The following CAPN9 variants were observed in gnomAD, a reference collection of about 807,000 sequenced individuals.
CAPN9 encodes the protein calpain-9.
CAPN9 carries 81 observed loss-of-function variants against 92.8 expected under a neutral mutation model. The observed-to-expected ratio is 0.87, with a 90% CI of 0.73 to 1.05. CAPN9 has a LOEUF of 1.05. CAPN9 is among the 50% of genes least tolerant of loss of function. CAPN9 has a pLI of 0.00. For synonymous variants in CAPN9, 304 were observed against 328.0 expected, an observed-to-expected ratio of 0.93 and a Z score of 0.79; for missense variants, 848 against 866.2, an observed-to-expected ratio of 0.98 and a Z score of 0.26.
At chr1:230,777,973 T>G (rs1386766836) in intron 8 of CAPN9, among the ~76,000 whole-genome samples, 1 of 152,172 alleles carries the variant, frequency 6.6e-6, no homozygotes, top group African/African-American at 2.4e-5. Context: ...ATCTTTACAC[T>G]AATTCTCAGG....
intron 6 of CAPN9, among the ~76,000 whole-genome samples, chr1:230,770,776 C>G (rs1666339121): frequency 6.6e-6 from 1 of 152,210 alleles, no homozygotes; most frequent in African/African-American, 2.4e-5. Context: ...CCTCCCTGGA[C>G]CAGTCTCAAG....
At chr1:230,756,044 G>C (rs1013076759) in intron 2 of CAPN9, among the ~76,000 whole-genome samples, 1 of 152,272 alleles carries the variant, frequency 6.6e-6, no homozygotes, top group Non-Finnish European at 1.5e-5. Flanking sequence ...GTTTACCTTT[G>C]TTCTATCTAT....
intron 1 of CAPN9, among the ~76,000 whole-genome samples, chr1:230,748,129 T>C (rs1664545202): frequency 6.6e-6 from 1 of 152,138 alleles, no homozygotes; most frequent in Admixed American, 6.5e-5. Context: ...TCAGTGTGGA[T>C]GGATGTTTGG....
At chr1:230,786,266 C>G (rs905948057) in intron 12 of CAPN9, 1 of 527,544 alleles carries the variant, frequency 1.9e-6, no homozygotes, top group African/African-American at 2.1e-5. Flanking sequence ...ATGTCATCTT[C>G]CTCTGTGCTA....
chr1:230,791,618 C>G, intron 14 of CAPN9, among the ~76,000 whole-genome samples: 1 of 152,130 alleles, frequency 6.6e-6, no homozygotes, highest in East Asian at 1.9e-4. Flanking sequence ...ATTCTTTGCT[C>G]GGGGTTCTTA....
At chr1:230,754,419 T>TATAA (rs66500463) in intron 1 of CAPN9, among the ~76,000 whole-genome samples, 1 of 151,608 alleles carries the variant, frequency 6.6e-6, no homozygotes, top group Non-Finnish European at 1.5e-5. Context: ...AATATATATA[T>TATAA]AATGCACTTC....
In CAPN9 at chr1:230,769,236, T is replaced by G; in HGVS notation, c.762T>G (p.His254Gln). 5 of 1,614,096 alleles carry G rather than the reference T, an allele frequency of 3.1e-6. No homozygotes were observed. Among genetic ancestry groups the G allele is most frequent in the Non-Finnish European group, 4.2e-6 (5 of 1,179,896 alleles). Residue 254 changes from histidine to glutamine, a missense_variant, in exon 6 of 20, where the codon CAT becomes CAG. His to Gln is a conservative substitution (Grantham distance 24). Transcript: ENST00000271971. ...ARTPFGLIKG[H>Q]AYSVTGIDQV... ...CGCCGTTTGGTCTTATTAAGGGTCA[T>G]GCCTACAGTGTAACGGGAATTGACC...
rs2102917397 is a variant in CAPN9, at chr1:230,787,610, A to G, written c.1599+8A>G. 6.2e-7 allele frequency: 1 copy of G among 1,611,408 alleles called. No individual in the cohort carries two copies. Among genetic ancestry groups the G allele is most frequent in the Non-Finnish European group, 8.5e-7 (1 of 1,177,658 alleles). On this transcript the variant is annotated splice_region_variant and intron_variant, in intron 13 of 19. Transcript: ENST00000271971. The stretch of plus-strand genomic sequence containing the variant: ...GAACAAGTCGCTGGTGAGGTAGGAC[A>G]TGCCCCACTTCCATCTCCCCACCAG...
At chr1:230,768,520 T>C (rs2102866438) in intron 5 of CAPN9, among the ~76,000 whole-genome samples, 1 of 148,556 alleles carries the variant, frequency 6.7e-6, no homozygotes, top group East Asian at 2.0e-4. Context: ...AAACGGGATC[T>C]TCCTATCTAG....
intron 3 of CAPN9, among the ~76,000 whole-genome samples, chr1:230,762,281 C>T (rs935794233): frequency 3.3e-5 from 5 of 152,192 alleles, no homozygotes; most frequent in South Asian, 4.1e-4. Context: ...AAACAGCAAA[C>T]CCAAACCCCA....
At chr1:230,795,542 G>A in intron 18 of CAPN9, 1 of 389,784 alleles carries the variant, frequency 2.6e-6, no homozygotes, top group Non-Finnish European at 4.8e-6. Context: ...GGGCAGGTTT[G>A]TGCCTTGTGT....
At chr1:230,797,726 C>A (rs1668443136) in intron 18 of CAPN9, among the ~76,000 whole-genome samples, 1 of 152,212 alleles carries the variant, frequency 6.6e-6, no homozygotes, top group Admixed American at 6.5e-5. Flanking sequence ...TGCTGGCACG[C>A]TCTCCTGTGC....
intron 4 of CAPN9, among the ~76,000 whole-genome samples, chr1:230,764,935 A>G (rs1665876138): frequency 6.6e-6 from 1 of 152,186 alleles, no homozygotes; most frequent in Non-Finnish European, 1.5e-5. Context: ...ATATTGATCT[A>G]TACTTGGGTT....
At chr1:230,761,190 C>T (rs1412223548) in intron 3 of CAPN9, among the ~76,000 whole-genome samples, 2 of 152,120 alleles carry the variant, frequency 1.3e-5, no homozygotes, top group East Asian at 1.9e-4. Flanking sequence ...AACAATACTC[C>T]GCCCGCTCCC....
chr1:230,800,158 ACAGAGTGAGACTCCAT>A (rs2102947238), intron 19 of CAPN9, among the ~76,000 whole-genome samples: 1 of 151,748 alleles, frequency 6.6e-6, no homozygotes, highest in South Asian at 2.1e-4. Context: ...AGCCTGGGCG[ACAGAGTGAGACTCCAT>A]CAAAAGAAAG....
chr1:230,798,645 A>C (rs28359740), intron 19 of CAPN9, among the ~76,000 whole-genome samples: 4 of 152,136 alleles, frequency 2.6e-5, no homozygotes, highest in Non-Finnish European at 5.9e-5. Context: ...TAAGTACAAA[A>C]CTGGCCAGTT....
chr1:230,752,950 T>C (rs1001940329), intron 1 of CAPN9, among the ~76,000 whole-genome samples: 1 of 152,146 alleles, frequency 6.6e-6, no homozygotes, highest in Non-Finnish European at 1.5e-5. Flanking sequence ...CCTGGGACTC[T>C]ATTGAGGCCC....
intron 8 of CAPN9, chr1:230,776,345 G>C (rs913219231): frequency 6.6e-6 from 1 of 152,112 alleles, no homozygotes; most frequent in African/African-American, 2.4e-5. Context: ...CTACTACTTC[G>C]AGGGTTAGGA....
chr1:230,747,915 C>T lies in CAPN9; in HGVS notation c.213+206C>T, dbSNP rs922089722. ...GATGCTCTGCGGTGGGGACCCGGGG[C>T]ATCTGGTTGTACCCGCTCCCCGGCT... On this transcript the variant is annotated intron_variant, in intron 1 of 19. Transcript: ENST00000271971. Among the ~76,000 whole-genome samples the T allele has an allele frequency of 2.0e-5, 3 of 152,142 alleles. No homozygotes were observed. In the East Asian group the frequency reaches 5.8e-4, roughly 29 times the overall value.
Sources: gnomAD v4.1 joint callset for allele counts (sites outside exome capture counted in the v4.1 genomes callset) on GRCh38, gnomAD v4.1.1 for gene constraint, MANE v1.5 for transcripts, NCBI Gene and HGNC (gene_info 2026-07-23, HGNC 2026-07-21) for gene names.